Variants in NOVA2 observed in about 807,000 individuals in gnomAD.
NOVA2 encodes the protein NOVA alternative splicing regulator 2.
In NOVA2, 9 loss-of-function variants were observed where a neutral mutation model predicts 22.5. That is an observed-to-expected ratio of 0.40 (90% CI 0.24 to 0.70). The LOEUF (loss-of-function observed/expected upper bound fraction) is 0.70, where lower values mean the gene tolerates loss of function less well. Ranked by LOEUF, NOVA2 falls within the 30% of genes least tolerant of loss-of-function variation. NOVA2 has a pLI of 0.38. For synonymous variants in NOVA2, 318 were observed against 335.2 expected (o/e 0.95, Z 0.56); for missense variants, 383 against 682.8 (o/e 0.56, Z 4.89).
In NOVA2 at chr19:45,940,740, T is replaced by G; in HGVS notation, c.602A>C (p.Gln201Pro). The G allele has an allele frequency of 6.2e-7, 1 of 1,610,206 alleles. No individual in the cohort carries two copies. The change falls in exon 4 of 4, where the codon CAA becomes CCA. Residue 201 changes from glutamine (Q) to proline (P), a missense_variant. Coordinates refer to ENST00000263257, the MANE Select transcript of NOVA2 (RefSeq NM_002516.4). ...GCAGCTGCTGCTCTGGGGGTCTTCT[T>G]GTACCTTCTGCACGATGGCGCTCAC... ...KAVSAIVQKV[Q>P]EDPQSSSCLN...
At chr19:45,948,258 G>A (rs1967870219) in intron 3 of NOVA2, among the ~76,000 whole-genome samples, 1 of 152,092 alleles carries the variant, frequency 6.6e-6, no homozygotes, top group Non-Finnish European at 1.5e-5. Context: ...CAAGCATAGG[G>A]CATCATGTAT....
chr19:45,960,756 T>G (rs995231635), intron 2 of NOVA2, among the ~76,000 whole-genome samples: 2 of 152,052 alleles, frequency 1.3e-5, no homozygotes, highest in Non-Finnish European at 2.9e-5. Flanking sequence ...AAAAGACACA[T>G]CTGCCAGCGC....
intron 1 of NOVA2, among the ~76,000 whole-genome samples, chr19:45,965,821 T>C (rs1426900891): frequency 6.6e-6 from 1 of 152,200 alleles, no homozygotes; most frequent in Non-Finnish European, 1.5e-5. Context: ...TCCTCATCTA[T>C]ACAATGGGAA....
chr19:45,949,742 T>A (rs948200925), intron 3 of NOVA2, among the ~76,000 whole-genome samples: 38 of 134,920 alleles, frequency 2.8e-4, no homozygotes, highest in Non-Finnish European at 4.7e-4. Flanking sequence ...GTAGGTTGTT[T>A]TTTTTTTTTT....
intron 2 of NOVA2, among the ~76,000 whole-genome samples, chr19:45,956,495 G>T (rs1968007962): frequency 1.3e-5 from 2 of 150,694 alleles, no homozygotes; most frequent in African/African-American, 4.9e-5. Context: ...CCTGAGACAA[G>T]AGTCTCATTC....
chr19:45,957,844 A>G (rs1049202237), intron 2 of NOVA2, among the ~76,000 whole-genome samples: 2 of 152,078 alleles, frequency 1.3e-5, no homozygotes, highest in Non-Finnish European at 2.9e-5. Context: ...CGGTGGCTCA[A>G]GCCTAGCACT....
Position 45,940,538 on chromosome 19 carries a change from C to T in NOVA2, c.804G>A (p.Leu268=). The T allele has an allele frequency of 6.7e-7, 1 of 1,498,126 alleles. No homozygotes were observed. Among genetic ancestry groups the T allele is most frequent in the East Asian group, 3.0e-5 (1 of 33,296 alleles). 92.8% of individuals were successfully genotyped at this position (1,498,126 alleles called of 1,614,324 possible). ...GCAGGTCGGTGCCTGAGAAGGCGGG[C>T]AGCGCGGCGGGAAAGGCCCCCACGC... ...LAGVGAFPAA[L]PAFSGTDLLA... The change falls in exon 4 of 4, where the codon CTG becomes CTA. Residue 268 remains leucine (L), a synonymous_variant. Transcript: ENST00000263257.
intron 3 of NOVA2, among the ~76,000 whole-genome samples, chr19:45,941,380 G>A (rs1272012412): frequency 6.6e-6 from 1 of 151,466 alleles, no homozygotes; most frequent in Non-Finnish European, 1.5e-5. Context: ...TGTTGCCCAG[G>A]CTGGTCTTGA....
intron 3 of NOVA2, among the ~76,000 whole-genome samples, chr19:45,946,391 C>T (rs749283747): frequency 1.3e-5 from 2 of 152,210 alleles, no homozygotes; most frequent in Non-Finnish European, 2.9e-5. Flanking sequence ...GACTGAATCT[C>T]AGATTGAAAA....
chr19:45,956,267 G>A (rs1968004826), intron 2 of NOVA2, among the ~76,000 whole-genome samples: 1 of 152,142 alleles, frequency 6.6e-6, no homozygotes, highest in East Asian at 1.9e-4. Flanking sequence ...GTAGGGGGAG[G>A]TGGATGCCCC....
chr19:45,943,963 A>G (rs1967800337), intron 3 of NOVA2, among the ~76,000 whole-genome samples: 1 of 152,168 alleles, frequency 6.6e-6, no homozygotes, highest in South Asian at 2.1e-4. Flanking sequence ...CACTTCACTA[A>G]AAGTTTTCAT....
intron 1 of NOVA2, among the ~76,000 whole-genome samples, chr19:45,972,116 TAC>T (rs1415785463): frequency 1.3e-5 from 2 of 151,936 alleles, no homozygotes; most frequent in Non-Finnish European, 2.9e-5. Flanking sequence ...GTTACACCCA[TAC>T]ACACAGCTGG....
At chr19:45,955,812 C>T (rs1967996343) in intron 2 of NOVA2, among the ~76,000 whole-genome samples, 1 of 151,494 alleles carries the variant, frequency 6.6e-6, no homozygotes, top group Non-Finnish European at 1.5e-5. Context: ...GAGCCGAGAT[C>T]ATGCTACTGC....
At position 45,969,457 on chromosome 19, in the gene NOVA2, T is replaced by TA. The variant is rs572253266; in HGVS notation, c.85+3809_85+3810insT. Among the ~76,000 whole-genome samples, 73 of 125,148 alleles carry TA rather than the reference T, an allele frequency of 5.8e-4. 4 individuals carry two copies. In the Admixed American group the frequency reaches 7.2e-3, roughly 12 times the overall value. 82.1% of individuals were successfully genotyped at this position (125,148 alleles called of 152,430 possible). On this transcript the variant is annotated intron_variant, in intron 1 of 3. Transcript: ENST00000263257. ...GAGAGGTCAAGGTTGCAGTGAGCCA[T>TA]GACTGCACCACTACACTCCAAGCCT...
chr19:45,955,586 G>A lies in NOVA2; in HGVS notation c.230-1640C>T, dbSNP rs112349180. ...TAAAAGGTCTTGAGTGTGGCCGGGT[G>A]CGGTGGCTCACGCTTGAAACCCCAG... is the stretch of plus-strand genomic sequence containing the variant. On this transcript the variant is annotated intron_variant, in intron 2 of 3. Coordinates refer to ENST00000263257, the MANE Select transcript of NOVA2 (RefSeq NM_002516.4). Among the ~76,000 whole-genome samples, 1,126 of 152,212 alleles carry A rather than the reference G, an allele frequency of 7.4e-3. 17 individuals carry two copies. Among genetic ancestry groups the A allele is most frequent in the African/African-American group, 0.026 (1,080 of 41,512 alleles).
chr19:45,947,279 C>T (rs116854407), intron 3 of NOVA2, among the ~76,000 whole-genome samples: 10 of 151,966 alleles, frequency 6.6e-5, no homozygotes, highest in African/African-American at 1.2e-4. Flanking sequence ...AATAAATAGA[C>T]GGATGAAGAC....
Position 45,940,499 on chromosome 19 carries a change from C to G in NOVA2, c.843G>C (p.Thr281=). 1 of 1,523,472 alleles carries G rather than the reference C, an allele frequency of 6.6e-7. No homozygotes were observed. The highest frequency in any genetic ancestry group is 2.9e-5 in the East Asian group (1 of 34,748). 94.4% of individuals were successfully genotyped at this position (1,523,472 alleles called of 1,614,324 possible). Reference sequence around the variant, plus strand: ...CGTAACTTGCCAGCGTGTTAAGCGCCGTGCTGATGGCCAGCAGGTCGGTGC... The same window carrying G: ...CGTAACTTGCCAGCGTGTTAAGCGCGGTGCTGATGGCCAGCAGGTCGGTGC... ...FSGTDLLAIS[T]ALNTLASYGY... The change falls in exon 4 of 4, where the codon ACG becomes ACC. Residue 281 remains threonine (T), a synonymous_variant. Coordinates refer to ENST00000263257, the MANE Select transcript of NOVA2 (RefSeq NM_002516.4).
intron 1 of NOVA2, among the ~76,000 whole-genome samples, chr19:45,964,154 ATTTTCTTTTTTTCTTTTTCT>A (rs2146425243): frequency 7.3e-6 from 1 of 137,596 alleles, no homozygotes; most frequent in Non-Finnish European, 1.6e-5. Context: ...AAGGAAGCCT[ATTTTCTTTTTTTCTTTTTCT>A]TTTTCTTTTT....
At chr19:45,951,222 A>G (rs1040492185) in intron 3 of NOVA2, among the ~76,000 whole-genome samples, 1 of 152,208 alleles carries the variant, frequency 6.6e-6, no homozygotes, top group Admixed American at 6.5e-5. Context: ...CACGCCTGTA[A>G]TCCCAGCACT....
Sources: gnomAD v4.1 joint callset for allele counts (sites outside exome capture counted in the v4.1 genomes callset) on GRCh38, gnomAD v4.1.1 for gene constraint, MANE v1.5 for transcripts, NCBI Gene and HGNC (gene_info 2026-07-23, HGNC 2026-07-21) for gene names.